TRAPPC9: variants seen among roughly 807,000 people sequenced by gnomAD.
TRAPPC9 encodes IKK2 binding protein.
A neutral mutation model predicts 124.0 loss-of-function variants in TRAPPC9; 83 were observed. The observed-to-expected ratio is 0.67, with a 90% confidence interval of 0.56 to 0.80. The LOEUF (loss-of-function observed/expected upper bound fraction) is 0.80, where lower values mean the gene tolerates loss of function less well. Ranked by LOEUF, TRAPPC9 falls within the 30% of genes least tolerant of loss-of-function variation. The pLI is 0.00. For missense variants in TRAPPC9, 1,302 were observed against 1,508.3 expected, an observed-to-expected ratio of 0.86 and a Z score of 2.27; for synonymous variants, 638 against 617.5, an observed-to-expected ratio of 1.03 and a Z score of -0.49.
chr8:139,909,454 C>T (rs1414299098), intron 20 of TRAPPC9, among the ~76,000 whole-genome samples: 1 of 151,594 alleles, frequency 6.6e-6, no homozygotes, highest in African/African-American at 2.4e-5. Flanking sequence ...AGGACACATC[C>T]ACTTCATACT....
chr8:139,926,602 T>TAA (rs1407533502), intron 19 of TRAPPC9, among the ~76,000 whole-genome samples: 418 of 101,740 alleles, frequency 4.1e-3, no homozygotes, highest in East Asian at 9.7e-3. Flanking sequence ...TACAATGAAT[T>TAA]AAAATAAAAA....
intron 6 of TRAPPC9, among the ~76,000 whole-genome samples, chr8:140,401,958 A>G (rs556397846): frequency 1.4e-5 from 2 of 145,528 alleles, no homozygotes; most frequent in Non-Finnish European, 3.0e-5. Context: ...ATTCTTTCCT[A>G]CCATCCAAAT....
At chr8:140,294,685 G>A (rs1296985931) in intron 11 of TRAPPC9, among the ~76,000 whole-genome samples, 2 of 150,552 alleles carry the variant, frequency 1.3e-5, no homozygotes, top group Admixed American at 6.6e-5. Flanking sequence ...TCGGCTCACT[G>A]CAACTTCCAC....
At chr8:139,838,665 T>G (rs28670722) in intron 21 of TRAPPC9, among the ~76,000 whole-genome samples, 84,516 of 152,014 alleles carry the variant, frequency 0.56, 26,104 homozygotes, top group African/African-American at 0.81. Context: ...TGATGACGGG[T>G]GGGTGGCAAG....
intron 17 of TRAPPC9, chr8:140,039,973 GA>G: frequency 6.6e-6 from 1 of 152,294 alleles, no homozygotes; most frequent in Non-Finnish European, 1.5e-5. Flanking sequence ...GTGATCAAGG[GA>G]AAACCCATAT....
intron 19 of TRAPPC9, among the ~76,000 whole-genome samples, chr8:139,961,601 T>G (rs1835375359): frequency 8.1e-6 from 1 of 123,524 alleles, no homozygotes; most frequent in African/African-American, 2.6e-5. Context: ...TCCTCCCAGG[T>G]GCAGGACCTG....
At chr8:140,211,459 T>C (rs1264510592) in intron 17 of TRAPPC9, among the ~76,000 whole-genome samples, 1 of 152,100 alleles carries the variant, frequency 6.6e-6, no homozygotes, top group Non-Finnish European at 1.5e-5. Flanking sequence ...CTTGAGTCGC[T>C]GAGGCAGGAG....
chr8:140,186,953 T>G (rs2062366535), intron 17 of TRAPPC9, among the ~76,000 whole-genome samples: 1 of 152,212 alleles, frequency 6.6e-6, no homozygotes, highest in Non-Finnish European at 1.5e-5. Flanking sequence ...ATGCTGTTAT[T>G]TTTATTCCAG....
chr8:140,038,850 AG>A (rs928994711), intron 17 of TRAPPC9, among the ~76,000 whole-genome samples: 1 of 152,208 alleles, frequency 6.6e-6, no homozygotes, highest in Admixed American at 6.5e-5. Context: ...GAGCCTCCAT[AG>A]GATGCAAGCC....
At chr8:139,801,016 T>G (rs1237690480) in intron 21 of TRAPPC9, among the ~76,000 whole-genome samples, 1 of 126,494 alleles carries the variant, frequency 7.9e-6, no homozygotes, top group Non-Finnish European at 1.6e-5. Flanking sequence ...CCCTCCGGCA[T>G]CTTCCCTCCC....
intron 19 of TRAPPC9, among the ~76,000 whole-genome samples, chr8:139,918,637 G>C (rs965622426): frequency 6.6e-6 from 1 of 152,226 alleles, no homozygotes; most frequent in Non-Finnish European, 1.5e-5. Context: ...GGAAGTGCCC[G>C]ACATCGGGAG....
At chr8:140,363,251 C>A (rs1225748213) in intron 8 of TRAPPC9, among the ~76,000 whole-genome samples, 2 of 152,154 alleles carry the variant, frequency 1.3e-5, no homozygotes, top group Non-Finnish European at 2.9e-5. Flanking sequence ...ACTAAGCGGC[C>A]CCTTAAGCCG....
chr8:140,238,806 CAG>C (rs1171136725), intron 16 of TRAPPC9, among the ~76,000 whole-genome samples: 3 of 152,218 alleles, frequency 2.0e-5, no homozygotes, highest in African/African-American at 7.2e-5. Context: ...CCTGCCTGAT[CAG>C]AGAGCTGGGG....
intron 16 of TRAPPC9, among the ~76,000 whole-genome samples, chr8:140,226,603 A>G (rs1587966102): frequency 1.3e-5 from 2 of 151,580 alleles, no homozygotes; most frequent in South Asian, 2.1e-4. Context: ...AAAAAAAAAA[A>G]AAAGAAAGAA....
At chr8:139,762,018 A>G (rs566136045) in intron 21 of TRAPPC9, among the ~76,000 whole-genome samples, 1 of 151,796 alleles carries the variant, frequency 6.6e-6, no homozygotes, top group South Asian at 2.1e-4. Flanking sequence ...GTGTCCCTCT[A>G]TAACCCGGCC....
chr8:139,941,034 G>A (rs1833882586), intron 19 of TRAPPC9, among the ~76,000 whole-genome samples: 1 of 152,242 alleles, frequency 6.6e-6, no homozygotes, highest in South Asian at 2.1e-4. Context: ...CATACCTGGG[G>A]TGGACCCACA....
At chr8:140,256,368 A>C (rs1046437469) in intron 15 of TRAPPC9, among the ~76,000 whole-genome samples, 2 of 152,218 alleles carry the variant, frequency 1.3e-5, no homozygotes, top group African/African-American at 2.4e-5. Flanking sequence ...ACACAAAATC[A>C]CATCATCAAT....
chr8:139,909,689 T>C (rs1831583535), intron 20 of TRAPPC9, among the ~76,000 whole-genome samples: 1 of 152,250 alleles, frequency 6.6e-6, no homozygotes, highest in Non-Finnish European at 1.5e-5. Context: ...CACTGTGTTA[T>C]AGCACAATCC....
intron 6 of TRAPPC9, among the ~76,000 whole-genome samples, chr8:140,402,747 A>G (rs1468207353): frequency 1.3e-5 from 2 of 152,132 alleles, no homozygotes; most frequent in African/African-American, 4.8e-5. Flanking sequence ...CAAGTAAACT[A>G]CTAAAATAGA....
Sources: gnomAD v4.1 joint callset for allele counts (sites outside exome capture counted in the v4.1 genomes callset) on GRCh38, gnomAD v4.1.1 for gene constraint, MANE v1.5 for transcripts, NCBI Gene and HGNC (gene_info 2026-07-23, HGNC 2026-07-21) for gene names.